The following GALNT15 variants were observed in gnomAD, a reference collection of about 807,000 sequenced individuals.
GALNT15 encodes UDP-GalNAc transferase T15.
In GALNT15, 67 loss-of-function variants were observed where a neutral mutation model predicts 66.8. The ratio of observed to expected loss-of-function variants is 1.00; its 90% CI spans 0.82 to 1.23. The LOEUF is 1.23. Ranked by LOEUF, GALNT15 falls within the 50% of genes most tolerant of loss-of-function variation. The probability of loss-of-function intolerance (pLI) is 0.00; values close to 1 mark genes in which losing one functional copy is unlikely to be tolerated. For missense variants in GALNT15, 827 were observed against 804.3 expected, an observed-to-expected ratio of 1.03 and a Z score of -0.34; for synonymous variants, 313 against 311.5, an observed-to-expected ratio of 1.00 and a Z score of -0.05.
Position 16,225,607 on chromosome 3 carries a change from A to G in GALNT15, c.1774-1747A>G, listed in dbSNP as rs1187331928. Reference sequence around the variant, plus strand: ...CTACTCAGGAGGTTGAGGCAGGAGAATCGCTTGAACCCAGGAGGCAGAGGT... The same window carrying G: ...CTACTCAGGAGGTTGAGGCAGGAGAGTCGCTTGAACCCAGGAGGCAGAGGT... On this transcript the variant is annotated intron_variant, in intron 9 of 9. Transcript: ENST00000339732. The surrounding 1 kb of genome is among the most constrained non-coding windows in gnomAD (Gnocchi z 4.4). Among the ~76,000 whole-genome samples the G allele has an allele frequency of 6.6e-6, 1 of 152,180 alleles. No homozygotes were observed. Among genetic ancestry groups the G allele is most frequent in the African/African-American group, 2.4e-5 (1 of 41,446 alleles).
In GALNT15 at chr3:16,186,485, T is replaced by C. The variant is rs1175545049; in HGVS notation, c.540-9275T>C. On this transcript the variant is annotated intron_variant, in intron 1 of 9. Transcript: ENST00000339732. This position sits in a 1 kb window ranked among gnomAD's most constrained non-coding sequence, Gnocchi z 5.1. ...ACATGTTCACATGAAAACTTATACA[T>C]GAATATTCATAGTGGCATTAGTCAT... 1.3e-5 allele frequency among the ~76,000 whole-genome samples: 2 copies of C among 152,154 alleles called. No individual in the cohort carries two copies. The highest frequency in any genetic ancestry group is 3.8e-4 in the East Asian group (2 of 5,198).
the GALNT15 span, among the ~76,000 whole-genome samples, chr3:16,247,389 A>G: frequency 6.6e-6 from 1 of 152,232 alleles, no homozygotes; most frequent in Non-Finnish European, 1.5e-5. Flanking sequence ...GCCCAAGGTC[A>G]CAAAACTAAC....
intron 1 of GALNT15, among the ~76,000 whole-genome samples, chr3:16,185,301 G>T (rs561597199): frequency 6.6e-6 from 1 of 152,132 alleles, no homozygotes; most frequent in Non-Finnish European, 1.5e-5. Flanking sequence ...AAAAAAAGAC[G>T]ATATTCTTAT....
In GALNT15 at chr3:16,229,158, G is replaced by C. The variant is rs1264682361; in HGVS notation, c.*1658G>C. 1.0e-6 allele frequency: 1 copy of C among 985,266 alleles called. No individual in the cohort carries two copies. Among genetic ancestry groups the C allele is most frequent in the Admixed American group, 6.2e-5 (1 of 16,260 alleles). The allele number at this position is 985,266 out of a possible 1,614,324, so 61.0% of individuals were successfully genotyped here. ...GTATCCTTCAAATAAGAAAAACTGA[G>C]TGGGAAGTGCAGTGTTTCCAAACAA... On this transcript the variant is annotated 3_prime_UTR_variant, in exon 10 of 10. Transcript: ENST00000339732.
Position 16,204,205 on chromosome 3 carries a change from C to G in GALNT15, c.911+3382C>G, listed in dbSNP as rs761377180. 5.3e-5 allele frequency among the ~76,000 whole-genome samples: 8 copies of G among 152,148 alleles called. No individual in the cohort carries two copies. Among genetic ancestry groups the G allele is most frequent in the Non-Finnish European group, 1.0e-4 (7 of 68,014 alleles). On this transcript the variant is annotated intron_variant, in intron 3 of 9. Transcript: ENST00000339732. The surrounding 1 kb of genome is among the most constrained non-coding windows in gnomAD (Gnocchi z 4.5). The stretch of plus-strand genomic sequence containing the variant: ...TTCCCTGTCCCTGCCTAGCAGGTTC[C>G]CACTAGCCATGTGGCAACTTTATTT...
chr3:16,235,417 T>C (rs1338432731), downstream of GALNT15, among the ~76,000 whole-genome samples: 1 of 152,220 alleles, frequency 6.6e-6, no homozygotes, highest in Non-Finnish European at 1.5e-5. Flanking sequence ...TTCCTATAAC[T>C]GATACATACC....
intron 1 of GALNT15, among the ~76,000 whole-genome samples, chr3:16,192,879 G>A (rs891989691): frequency 1.3e-5 from 2 of 152,088 alleles, no homozygotes; most frequent in Non-Finnish European, 1.5e-5. Flanking sequence ...ATGCATTTAG[G>A]GACTTCTTGC....
downstream of GALNT15, among the ~76,000 whole-genome samples, chr3:16,233,379 G>A (rs984474893): frequency 2.6e-5 from 4 of 152,024 alleles, no homozygotes; most frequent in African/African-American, 9.7e-5. Context: ...ACAGGCGTGA[G>A]CCACCACGCC....
In GALNT15 at chr3:16,181,485, A is replaced by G. The variant is rs2063470994; in HGVS notation, c.539+5795A>G. 6.6e-6 allele frequency among the ~76,000 whole-genome samples: 1 copy of G among 151,926 alleles called. No individual in the cohort carries two copies. Among genetic ancestry groups the G allele is most frequent in the Non-Finnish European group, 1.5e-5 (1 of 67,996 alleles). ...GGTCAGAGGGAAGGGCAGGGGCGGG[A>G]GAGTCGCCTTGGCTGCAGCTTTGTT... is the stretch of plus-strand genomic sequence containing the variant. On this transcript the variant is annotated intron_variant, in intron 1 of 9. Transcript: ENST00000339732. This position sits in a 1 kb window ranked among gnomAD's most constrained non-coding sequence, Gnocchi z 5.9.
At chr3:16,243,491 C>CT in the GALNT15 span, among the ~76,000 whole-genome samples, 88 of 152,322 alleles carry the variant, frequency 5.8e-4, no homozygotes, top group African/African-American at 1.9e-3. Flanking sequence ...GCCAGCTTCC[C>CT]TTGGGGCTAT....
In GALNT15 at chr3:16,228,816, C is replaced by G; in HGVS notation, c.*1316C>G. On this transcript the variant is annotated 3_prime_UTR_variant, in exon 10 of 10. Coordinates refer to ENST00000339732, the MANE Select transcript of GALNT15 (RefSeq NM_054110.5). Reference sequence around the variant, plus strand: ...ATTTGGGTGTTAATGTCCATGAGAGCTGACAGGGCCATCTCTGAGCCCATA... The same window carrying G: ...ATTTGGGTGTTAATGTCCATGAGAGGTGACAGGGCCATCTCTGAGCCCATA... 2 of 985,396 alleles carry G rather than the reference C, an allele frequency of 2.0e-6. No homozygotes were observed. The highest frequency in any genetic ancestry group is 2.4e-6 in the Non-Finnish European group (2 of 829,932). The allele number at this position is 985,396 out of a possible 1,614,324, so 61.0% of individuals were successfully genotyped here.
In GALNT15 at chr3:16,200,824, G is replaced by T; in HGVS notation, c.911+1G>T. ...TCCTCAGCAGAATAGCTGGTGACAGGTAACTTATTCCCTGGGCTTGCAAAG... is the reference window on the plus strand; with the variant it reads ...TCCTCAGCAGAATAGCTGGTGACAGTTAACTTATTCCCTGGGCTTGCAAAG... On this transcript the variant is annotated splice_donor_variant, in intron 3 of 9. Transcript: ENST00000339732. LOFTEE classifies it high-confidence loss of function. This position sits in a 1 kb window ranked among gnomAD's most constrained non-coding sequence, Gnocchi z 4.4. 1 of 1,600,056 alleles carries T rather than the reference G, an allele frequency of 6.2e-7. No homozygotes were observed. The highest frequency in any genetic ancestry group is 8.5e-7 in the Non-Finnish European group (1 of 1,174,098).
the GALNT15 span, among the ~76,000 whole-genome samples, chr3:16,242,300 A>C: frequency 6.6e-6 from 1 of 152,202 alleles, no homozygotes; most frequent in East Asian, 1.9e-4. This position sits in a 1 kb window ranked among gnomAD's most constrained non-coding sequence, Gnocchi z 5.6. Flanking sequence ...AGTGGCTAAG[A>C]CTGAGTCTAT....
rs887973575 is a variant in GALNT15, at chr3:16,187,580, G to A, written c.540-8180G>A. Among the ~76,000 whole-genome samples, 6 of 152,146 alleles carry A rather than the reference G, an allele frequency of 3.9e-5. No homozygotes were observed. The highest frequency in any genetic ancestry group is 9.7e-5 in the African/African-American group (4 of 41,412). On this transcript the variant is annotated intron_variant, in intron 1 of 9. Transcript: ENST00000339732. This position sits in a 1 kb window ranked among gnomAD's most constrained non-coding sequence, Gnocchi z 5.1. ...TTGAGGCTTAATCTTGGGAATTCTC[G>A]AATGTCACTTCTAGTACATTCTATT...
rs17041948 is a variant in GALNT15, at chr3:16,174,998, C to T, written c.-154C>T. ...TGTAAGTGGAAGCAGGTCTTGCACACGCTGTTGGCAAATGTCAGGACCAGG... is the reference window on the plus strand; with the variant it reads ...TGTAAGTGGAAGCAGGTCTTGCACATGCTGTTGGCAAATGTCAGGACCAGG... On this transcript the variant is annotated 5_prime_UTR_variant, in exon 1 of 10. In the 5' UTR this introduces an upstream ATG that the reference lacks. Coordinates refer to ENST00000339732, the MANE Select transcript of GALNT15 (RefSeq NM_054110.5). The surrounding 1 kb of genome is among the most constrained non-coding windows in gnomAD (Gnocchi z 4.7). 5.3e-4 allele frequency: 345 copies of T among 650,766 alleles called. 1 individual carries two copies. Among genetic ancestry groups the T allele is most frequent in the African/African-American group, 5.2e-3 (286 of 54,988 alleles). The allele number at this position is 650,766 out of a possible 1,614,324, so 40.3% of individuals were successfully genotyped here.
chr3:16,206,350 C>G (rs1458482688), intron 3 of GALNT15, among the ~76,000 whole-genome samples: 2 of 150,198 alleles, frequency 1.3e-5, no homozygotes, highest in Non-Finnish European at 3.0e-5. Flanking sequence ...CCACTGCACT[C>G]CAGTCTGGGC....
chr3:16,210,793 AG>A (rs887670625), intron 4 of GALNT15, among the ~76,000 whole-genome samples: 28 of 152,322 alleles, frequency 1.8e-4, no homozygotes, highest in African/African-American at 6.5e-4. Context: ...CCTGATTTTA[AG>A]CAAGGCCTTC....
rs2063623330 is a variant in GALNT15 at position 16,195,574 on chromosome 3, G to C, written c.540-186G>C. Among the ~76,000 whole-genome samples, 1 of 152,184 alleles carries C rather than the reference G, an allele frequency of 6.6e-6. No homozygotes were observed. Among genetic ancestry groups the C allele is most frequent in the Admixed American group, 6.5e-5 (1 of 15,280 alleles). On this transcript the variant is annotated intron_variant, in intron 1 of 9. Transcript: ENST00000339732. This position sits in a 1 kb window ranked among gnomAD's most constrained non-coding sequence, Gnocchi z 4.6. ...AGGAGCTCTTGAGATCTGAGAATTGGGAGATAGTAGACAGCACCACTATGA... is the reference window on the plus strand; with the variant it reads ...AGGAGCTCTTGAGATCTGAGAATTGCGAGATAGTAGACAGCACCACTATGA...
Position 16,181,561 on chromosome 3 carries a change from G to A in GALNT15, c.539+5871G>A, listed in dbSNP as rs1389535376. 6.6e-6 allele frequency among the ~76,000 whole-genome samples: 1 copy of A among 152,108 alleles called. No homozygotes were observed. Among genetic ancestry groups the A allele is most frequent in the Non-Finnish European group, 1.5e-5 (1 of 68,028 alleles). On this transcript the variant is annotated intron_variant, in intron 1 of 9. Coordinates refer to ENST00000339732, the MANE Select transcript of GALNT15 (RefSeq NM_054110.5). The surrounding 1 kb of genome is among the most constrained non-coding windows in gnomAD (Gnocchi z 5.9). ...CCACGCGGGGTCCACTCAGTTCCCT[G>A]TGAAGACTCTGTCCTGCCAGGCCGT...
Sources: allele counts gnomAD v4.1 joint callset (sites outside exome capture counted in the v4.1 genomes callset), GRCh38; gene constraint gnomAD v4.1.1; non-coding constraint Gnocchi (gnomAD v3.1); transcripts MANE v1.5; gene names NCBI Gene and HGNC (gene_info 2026-07-23, HGNC 2026-07-21).